The following EHD4 variants were observed in gnomAD, a reference collection of about 807,000 sequenced individuals.
EHD4 encodes EH domain-containing protein 4.
A neutral mutation model predicts 51.0 loss-of-function variants in EHD4; 37 were observed. That is an observed-to-expected ratio of 0.73 (90% confidence interval 0.56 to 0.95). The LOEUF (loss-of-function observed/expected upper bound fraction) is 0.95. Among genes scored for constraint, EHD4 ranks in the 40% least tolerant of loss-of-function variants. The probability of loss-of-function intolerance (pLI) is 0.00; values close to 1 mark genes in which losing one functional copy is unlikely to be tolerated. For missense variants in EHD4, 632 were observed against 733.1 expected (o/e 0.86, Z 1.59); for synonymous variants, 297 against 317.3 (o/e 0.94, Z 0.68).
chr15:41,958,148 C>T (rs2067899825), intron 1 of EHD4, among the ~76,000 whole-genome samples: 2 of 152,038 alleles, frequency 1.3e-5, no homozygotes, highest in South Asian at 4.2e-4. Flanking sequence ...CACCGTGATT[C>T]AGAGCTGATT....
intron 1 of EHD4, among the ~76,000 whole-genome samples, chr15:41,963,261 C>T (rs1057274287): frequency 7.3e-5 from 11 of 151,232 alleles, no homozygotes; most frequent in Non-Finnish European, 1.3e-4. Flanking sequence ...CAAATCCCCC[C>T]CTCGGAGAAA....
chr15:41,908,997 T>A lies in EHD4; in HGVS notation c.1089+702A>T, dbSNP rs1339925058. Among the ~76,000 whole-genome samples, 4 of 152,264 alleles carry A rather than the reference T, an allele frequency of 2.6e-5. No individual in the cohort carries two copies. The East Asian group carries it at 7.7e-4, about 29-fold the overall frequency. ...GATAAGAAGACGGCCAGCCTGGCTC[T>A]GTGAGGACTGTCAGCCCAGAAGCCA... On this transcript the variant is annotated intron_variant, in intron 5 of 5. Coordinates refer to ENST00000220325, the MANE Select transcript of EHD4 (RefSeq NM_139265.4).
chr15:41,924,793 A>C (rs1419571563), intron 3 of EHD4, among the ~76,000 whole-genome samples: 1 of 152,178 alleles, frequency 6.6e-6, no homozygotes. Flanking sequence ...TGCATTTTTC[A>C]CGCCTGTAAT....
rs971371821 is a variant in EHD4, at chr15:41,899,032, G to A, written c.*1613C>T. 1 of 151,206 alleles carries A rather than the reference G, an allele frequency of 6.6e-6. No homozygotes were observed. Among genetic ancestry groups the A allele is most frequent in the African/African-American group, 2.4e-5 (1 of 40,876 alleles). 9.4% of individuals were successfully genotyped at this position (151,206 alleles called of 1,614,324 possible). A position where few individuals can be genotyped will look rare whatever the true frequency, so the allele number is the denominator to read the frequency against. On this transcript the variant is annotated 3_prime_UTR_variant, in exon 6 of 6. Coordinates refer to ENST00000220325, the MANE Select transcript of EHD4 (RefSeq NM_139265.4). ...CAAATCAAGATTTTCTCTTCAATCT[G>A]TGCCTTTGACCCTGTCACCAAAGGC...
At chr15:41,923,527 A>G (rs762695202) in intron 3 of EHD4, among the ~76,000 whole-genome samples, 4 of 152,290 alleles carry the variant, frequency 2.6e-5, no homozygotes, top group African/African-American at 9.6e-5. Flanking sequence ...GGGGCTTGCT[A>G]AAGTTTAGAC....
intron 3 of EHD4, among the ~76,000 whole-genome samples, chr15:41,932,166 T>G (rs1279808011): frequency 6.6e-6 from 1 of 152,196 alleles, no homozygotes; most frequent in African/African-American, 2.4e-5. Context: ...CACCTATTAA[T>G]TCTGGTCTAT....
chr15:41,906,395 T>C (rs2067512332), intron 5 of EHD4, among the ~76,000 whole-genome samples: 1 of 152,192 alleles, frequency 6.6e-6, no homozygotes, highest in Non-Finnish European at 1.5e-5. Flanking sequence ...CAACCCAATC[T>C]TCCCATCCCC....
At position 41,900,937 on chromosome 15, in the gene EHD4, GC is replaced by G. The variant is rs1479746402; in HGVS notation, c.1333del (p.Ala445ProfsTer31). 6.2e-7 allele frequency: 1 copy of G among 1,613,954 alleles called. No individual in the cohort carries two copies. ...CTCGTCGTAGACGGGCTTGTCTTTGGCCACGACCCACTCCTCCTCGTCGGCG... is the reference window on the plus strand; with the variant it reads ...CTCGTCGTAGACGGGCTTGTCTTTGGCACGACCCACTCCTCCTCGTCGGCG... ...EGADEEEWVV[A>X]KDKPVYDELF... On this transcript the variant is annotated frameshift_variant, in exon 6 of 6. Coordinates refer to ENST00000220325, the MANE Select transcript of EHD4 (RefSeq NM_139265.4). LOFTEE classifies it high-confidence loss of function. The surrounding 1 kb of genome is among the most constrained non-coding windows in gnomAD (Gnocchi z 4.8).
intron 3 of EHD4, among the ~76,000 whole-genome samples, chr15:41,931,217 A>G (rs1211045022): frequency 6.6e-6 from 1 of 152,118 alleles, no homozygotes; most frequent in Non-Finnish European, 1.5e-5. Flanking sequence ...GTTTTGAAAT[A>G]TGTATACACT....
rs533937420 is a variant in EHD4 at position 41,900,675 on chromosome 15, C to A, written c.1596G>T (p.Ser532=). 1.9e-6 allele frequency: 3 copies of A among 1,600,774 alleles called. No homozygotes were observed. The highest frequency in any genetic ancestry group is 1.7e-5 in the Admixed American group (1 of 59,910). The change falls in exon 6 of 6, where the codon TCG becomes TCT. Residue 532 remains serine, a synonymous_variant. Transcript: ENST00000220325. The surrounding 1 kb of genome is among the most constrained non-coding windows in gnomAD (Gnocchi z 4.8). ...CGGCCTTGGGCAGGGACTTCCTGTG[C>A]GAGGGGGGCACGAGGTGGGGGGGCA... ...SSLPPHLVPP[S]HRKSLPKAD is the part of the protein sequence containing the mutation.
chr15:41,933,253 G>T (rs1035146284), intron 3 of EHD4, among the ~76,000 whole-genome samples: 9 of 152,178 alleles, frequency 5.9e-5, no homozygotes, highest in African/African-American at 2.2e-4. Context: ...ATGCCTGCCT[G>T]CCTGCCGGGC....
chr15:41,904,020 G>A (rs1001183540), intron 5 of EHD4, among the ~76,000 whole-genome samples: 4 of 152,126 alleles, frequency 2.6e-5, no homozygotes, highest in East Asian at 1.9e-4. Flanking sequence ...AAAAGAGAAC[G>A]CTAAGCAGGT....
intron 1 of EHD4, among the ~76,000 whole-genome samples, chr15:41,956,056 A>C (rs8030985): frequency 0.017 from 2,542 of 152,280 alleles, 83 homozygotes; most frequent in African/African-American, 0.058. Flanking sequence ...AGCTCCCCGC[A>C]GCACACACAG....
rs374459647 is a variant in EHD4 at position 41,961,376 on chromosome 15, T to C, written c.237-7436A>G. ...ATTTGTTCTTCCAGTCTTTCAGTCA[T>C]GCAATGACTATTTATTGAGTGTTTT... On this transcript the variant is annotated intron_variant, in intron 1 of 5. Transcript: ENST00000220325. Among the ~76,000 whole-genome samples, 303 of 152,362 alleles carry C rather than the reference T, an allele frequency of 2.0e-3. 5 individuals carry two copies. In the South Asian group the frequency reaches 0.04, roughly 20 times the overall value.
intron 3 of EHD4, among the ~76,000 whole-genome samples, chr15:41,923,336 T>C (rs7180290): frequency 0.03 from 4,557 of 152,266 alleles, 254 homozygotes; most frequent in African/African-American, 0.1. Context: ...TAAGGCTGAA[T>C]AGGTCGGCTT....
chr15:41,907,878 T>A (rs372164448), intron 5 of EHD4, among the ~76,000 whole-genome samples: 1,998 of 133,670 alleles, frequency 0.015, 28 homozygotes, highest in Non-Finnish European at 0.021. Flanking sequence ...GTGTATATAT[T>A]TATTTATTTT....
chr15:41,966,177 T>C (rs1200155749), intron 1 of EHD4, among the ~76,000 whole-genome samples: 4 of 152,154 alleles, frequency 2.6e-5, no homozygotes, highest in Non-Finnish European at 5.9e-5. Context: ...CAGGCCTAGC[T>C]GCTGAGAATT....
intron 1 of EHD4, among the ~76,000 whole-genome samples, chr15:41,970,702 C>A (rs2067989605): frequency 6.6e-6 from 1 of 152,152 alleles, no homozygotes; most frequent in South Asian, 2.1e-4. Flanking sequence ...ACAACAAGGA[C>A]CTCACAGCAA....
At chr15:41,913,603 C>T (rs929436347) in intron 4 of EHD4, among the ~76,000 whole-genome samples, 3 of 152,194 alleles carry the variant, frequency 2.0e-5, no homozygotes, top group African/African-American at 7.2e-5. Context: ...TATTTGAATG[C>T]ACTCTGCTCA....
Sources: gnomAD v4.1 joint callset for allele counts (sites outside exome capture counted in the v4.1 genomes callset) on GRCh38, gnomAD v4.1.1 for gene constraint, Gnocchi (gnomAD v3.1) non-coding constraint, MANE v1.5 for transcripts, NCBI Gene and HGNC (gene_info 2026-07-23, HGNC 2026-07-21) for gene names.